FGF13: variants seen among roughly 807,000 people sequenced by gnomAD.
The protein encoded by FGF13 is fibroblast growth factor 13, also known as fibroblast growth factor homologous factor 2.
FGF13 carries 2 observed loss-of-function variants against 19.5 expected under a neutral mutation model. The observed-to-expected ratio is 0.10, with a 90% CI of 0.04 to 0.32. The LOEUF (loss-of-function observed/expected upper bound fraction) is 0.32. Among genes scored for constraint, FGF13 ranks in the 10% least tolerant of loss-of-function variants. The probability of loss-of-function intolerance (pLI) is 1.00; values close to 1 mark genes in which losing one functional copy is unlikely to be tolerated. For missense variants in FGF13, 113 were observed against 192.7 expected (o/e 0.59, Z 2.45); for synonymous variants, 72 against 76.9 (o/e 0.94, Z 0.33).
intron 1 of FGF13, among the ~76,000 whole-genome samples, chrX:139,138,857 C>T (rs889994315): frequency 1.3e-4 from 14 of 110,782 alleles, no homozygotes; most frequent in African/African-American, 3.6e-4. Context: ...CGAGACACAG[C>T]GTGGACTCTG....
intron 3 of FGF13, among the ~76,000 whole-genome samples, chrX:138,852,342 G>A (rs1378368612): frequency 9.0e-6 from 1 of 111,388 alleles, no homozygotes; most frequent in Non-Finnish European, 1.9e-5. Flanking sequence ...GCATGGTACT[G>A]GTACAAAAGC....
chrX:138,776,222 T>C (rs1233814719), intron 3 of FGF13, among the ~76,000 whole-genome samples: 1 of 112,345 alleles, frequency 8.9e-6, no homozygotes, highest in African/African-American at 3.2e-5. Context: ...TGGCAAATTG[T>C]GACCTATGAT....
At chrX:138,731,927 G>A (rs1338283882) in intron 1 of FGF13, among the ~76,000 whole-genome samples, 1 of 111,411 alleles carries the variant, frequency 9.0e-6, no homozygotes, top group African/African-American at 3.2e-5. Flanking sequence ...ATTGGCAAAA[G>A]ACTTGAACAA....
intron 3 of FGF13, among the ~76,000 whole-genome samples, chrX:138,701,966 T>A (rs1356714785): frequency 8.9e-6 from 1 of 112,407 alleles, no homozygotes; most frequent in Non-Finnish European, 1.9e-5. Flanking sequence ...AATACATGAA[T>A]TCAAAACAAA....
intron 1 of FGF13, among the ~76,000 whole-genome samples, chrX:139,163,356 C>T (rs1373162618): frequency 1.8e-5 from 2 of 110,015 alleles, no homozygotes; most frequent in Non-Finnish European, 3.8e-5. Context: ...AACACATGGA[C>T]ACAGGAAGGG....
chrX:138,782,853 C>T (rs1185398462), intron 3 of FGF13, among the ~76,000 whole-genome samples: 4 of 95,346 alleles, frequency 4.2e-5, no homozygotes, highest in Non-Finnish European at 8.3e-5. Flanking sequence ...CCCACATCGC[C>T]AAGTCAATCC....
In FGF13 at chrX:138,844,517, G is replaced by C. The variant is rs145901890; in HGVS notation, c.217+12995C>G. Among the ~76,000 whole-genome samples the C allele has an allele frequency of 1.9e-4, 21 of 111,748 alleles. No homozygotes were observed. In the East Asian group the frequency reaches 5.4e-3, roughly 29 times the overall value. ...AAGAGCGTGAGAGGCAGAGACATCT[G>C]TTCTACATTGAAAGGAACTGGATTA... On this transcript the variant is annotated intron_variant, in intron 3 of 6. Transcript: ENST00000436198.
chrX:138,950,409 G>A (rs1431974469), intron 1 of FGF13, among the ~76,000 whole-genome samples: 1 of 112,098 alleles, frequency 8.9e-6, no homozygotes, highest in Non-Finnish European at 1.9e-5. Context: ...ATGTTAGCTA[G>A]TGCGTTCATA....
chrX:138,899,480 G>A (rs997570530), intron 1 of FGF13, among the ~76,000 whole-genome samples: 2 of 110,764 alleles, frequency 1.8e-5, no homozygotes, highest in Admixed American at 9.6e-5. Context: ...CAGCCATATC[G>A]GCACAATTCT....
chrX:138,834,519 T>C (rs2091097709), intron 3 of FGF13, among the ~76,000 whole-genome samples: 1 of 110,962 alleles, frequency 9.0e-6, no homozygotes, highest in Admixed American at 9.6e-5. Flanking sequence ...TCTGATTGTG[T>C]TTATTTTAAT....
chrX:139,021,301 G>A (rs1473902132), intron 1 of FGF13, among the ~76,000 whole-genome samples: 1 of 110,271 alleles, frequency 9.1e-6, no homozygotes, highest in Non-Finnish European at 1.9e-5. Flanking sequence ...CTTGTTTAAG[G>A]TTTTATCTTT....
chrX:139,004,191 C>G (rs975342738), intron 1 of FGF13, among the ~76,000 whole-genome samples: 3 of 112,844 alleles, frequency 2.7e-5, no homozygotes, highest in African/African-American at 6.4e-5. Flanking sequence ...AGCTAAGGCT[C>G]GGTGAGAAAT....
chrX:139,113,553 A>G, intron 1 of FGF13, among the ~76,000 whole-genome samples: 1 of 112,674 alleles, frequency 8.9e-6, no homozygotes, highest in East Asian at 2.8e-4. Flanking sequence ...TAATCATTCA[A>G]TATTCAATCA....
At chrX:139,152,537 C>T (rs150904420) in intron 1 of FGF13, among the ~76,000 whole-genome samples, 1,828 of 110,469 alleles carry the variant, frequency 0.017, 14 homozygotes, top group Non-Finnish European at 0.025. Context: ...AAAGGTGGAT[C>T]TACCCAGAAT....
Position 138,621,879 on chromosome X carries a change from A to G in FGF13, c.*10971T>C, listed in dbSNP as rs1272011524. ...AATTTCTAGAAACATACCACAACCT[A>G]GCAAGACTGAATCATGAATAGAGAA... is the stretch of plus-strand genomic sequence containing the variant. On this transcript the variant is annotated 3_prime_UTR_variant, in exon 5 of 5. Coordinates refer to ENST00000315930, the MANE Select transcript of FGF13 (RefSeq NM_004114.5). The G allele has an allele frequency of 2.7e-5, 3 of 111,428 alleles. No homozygotes were observed. Among genetic ancestry groups the G allele is most frequent in the Non-Finnish European group, 5.7e-5 (3 of 52,989 alleles). 9.2% of individuals were successfully genotyped at this position (111,428 alleles called of 1,213,427 possible). A position where few individuals can be genotyped will look rare whatever the true frequency, so the allele number is the denominator to read the frequency against.
chrX:138,665,378 A>C (rs1454096017), intron 3 of FGF13, among the ~76,000 whole-genome samples: 2 of 111,568 alleles, frequency 1.8e-5, no homozygotes, highest in Non-Finnish European at 3.8e-5. Context: ...TGCACTGAAC[A>C]ACCAGTGTCC....
chrX:138,642,567 C>T (rs1353619859), intron 3 of FGF13, among the ~76,000 whole-genome samples: 1 of 110,820 alleles, frequency 9.0e-6, no homozygotes. Context: ...GAAATCAAGG[C>T]CAAATAAATA....
intron 3 of FGF13, among the ~76,000 whole-genome samples, chrX:138,831,460 A>C (rs1025281576): frequency 3.6e-5 from 4 of 111,757 alleles, no homozygotes; most frequent in Non-Finnish European, 7.5e-5. Flanking sequence ...TTGGGGGCCC[A>C]ATCCCAACCT....
intron 1 of FGF13, among the ~76,000 whole-genome samples, chrX:138,936,100 G>A (rs1301595145): frequency 2.7e-5 from 3 of 112,396 alleles, no homozygotes; most frequent in African/African-American, 6.5e-5. Flanking sequence ...TGAGCAAAGG[G>A]GAATTATCTC....
Sources: allele counts gnomAD v4.1 joint callset (sites outside exome capture counted in the v4.1 genomes callset), GRCh38; gene constraint gnomAD v4.1.1; transcripts MANE v1.5; gene names NCBI Gene and HGNC (gene_info 2026-07-23, HGNC 2026-07-21).